The following ASZ1 variants were observed in gnomAD, a reference collection of about 807,000 sequenced individuals.
ASZ1 encodes ankyrin repeat, SAM and basic leucine zipper domain-containing protein 1.
Under a neutral mutation model 61.8 loss-of-function variants are expected in ASZ1, and 67 were observed. That is an observed-to-expected ratio of 1.08 (90% CI 0.89 to 1.33). The LOEUF is 1.33. Among genes scored for constraint, ASZ1 ranks in the 40% most tolerant of loss-of-function variants. ASZ1 has a pLI of 0.00. For synonymous variants in ASZ1, 193 were observed against 192.7 expected (o/e 1.00, Z -0.01); for missense variants, 577 against 554.5 (o/e 1.04, Z -0.41).
At chr7:117,390,316 T>A (rs1796440248) in intron 4 of ASZ1, among the ~76,000 whole-genome samples, 1 of 152,020 alleles carries the variant, frequency 6.6e-6, no homozygotes, top group African/African-American at 2.4e-5. Flanking sequence ...ACCACAGGCA[T>A]GTGTCACCAC....
At chr7:117,391,156 C>G (rs1256841204) in intron 4 of ASZ1, among the ~76,000 whole-genome samples, 1 of 151,442 alleles carries the variant, frequency 6.6e-6, no homozygotes. Flanking sequence ...TGTTTATGTC[C>G]TTTGCCTACT....
chr7:117,374,970 G>T (rs944683055), intron 10 of ASZ1, among the ~76,000 whole-genome samples: 1 of 151,974 alleles, frequency 6.6e-6, no homozygotes, highest in Non-Finnish European at 1.5e-5. Context: ...GTAATTAACC[G>T]GACCAAGTGC....
intron 4 of ASZ1, among the ~76,000 whole-genome samples, chr7:117,398,089 CATGTCATA>C: frequency 6.6e-6 from 1 of 152,236 alleles, no homozygotes; most frequent in Non-Finnish European, 1.5e-5. Flanking sequence ...GGTTGGTCTT[CATGTCATA>C]TTTTTATATA....
intron 4 of ASZ1, among the ~76,000 whole-genome samples, chr7:117,398,143 A>G (rs769772026): frequency 2.6e-5 from 4 of 152,240 alleles, no homozygotes; most frequent in Non-Finnish European, 5.9e-5. Flanking sequence ...TAATCTGCTT[A>G]AAACACTCCT....
chr7:117,418,376 C>T (rs749595287), intron 4 of ASZ1, among the ~76,000 whole-genome samples: 12 of 152,098 alleles, frequency 7.9e-5, no homozygotes. Context: ...AGTTTGAGGC[C>T]GGGTGCGGTG....
At chr7:117,401,752 C>T (rs568443840) in intron 4 of ASZ1, among the ~76,000 whole-genome samples, 1 of 152,318 alleles carries the variant, frequency 6.6e-6, no homozygotes, top group South Asian at 2.1e-4. Flanking sequence ...CCCTGTACAG[C>T]CTGCATTCCA....
At chr7:117,390,010 T>C (rs939309148) in intron 4 of ASZ1, among the ~76,000 whole-genome samples, 2 of 152,148 alleles carry the variant, frequency 1.3e-5, no homozygotes, top group African/African-American at 4.8e-5. Flanking sequence ...TATTTCTACA[T>C]TAATTCATTT....
At position 117,397,937 on chromosome 7, in the gene ASZ1, G is replaced by A. The variant is rs182417013; in HGVS notation, c.441-12128C>T. On this transcript the variant is annotated intron_variant, in intron 4 of 12. Transcript: ENST00000284629. ...GGCGAACTCACCTCAGCTATTAATC[G>A]GCCACAGGCCAAATCCTTCATCCAC... is the stretch of plus-strand genomic sequence containing the variant. Among the ~76,000 whole-genome samples the A allele has an allele frequency of 9.3e-4, 142 of 152,318 alleles. 2 individuals carry two copies. The highest frequency in any genetic ancestry group is 3.5e-3 in the South Asian group (17 of 4,830).
In ASZ1 at chr7:117,385,634, T is replaced by G. The variant is rs1796339037; in HGVS notation, c.552+64A>C. 12 of 1,326,882 alleles carry G rather than the reference T, an allele frequency of 9.0e-6. No homozygotes were observed. The South Asian group carries it at 1.4e-4, about 16-fold the overall frequency. The allele number at this position is 1,326,882 out of a possible 1,614,324, so 82.2% of individuals were successfully genotyped here. ...TTTTGTAATTATTACTTCTTAAAATTCTTTTTTTGTAGATTACTGATAATA... is the reference window on the plus strand; with the variant it reads ...TTTTGTAATTATTACTTCTTAAAATGCTTTTTTTGTAGATTACTGATAATA... On this transcript the variant is annotated intron_variant, in intron 5 of 12. Transcript: ENST00000284629.
At chr7:117,404,019 CT>C (rs1796732359) in intron 4 of ASZ1, among the ~76,000 whole-genome samples, 1 of 152,200 alleles carries the variant, frequency 6.6e-6, no homozygotes, top group Admixed American at 6.5e-5. Flanking sequence ...CCCCCTGCCC[CT>C]AGTCTTAGGA....
chr7:117,403,714 T>C (rs12537803), intron 4 of ASZ1, among the ~76,000 whole-genome samples: 2 of 152,112 alleles, frequency 1.3e-5, no homozygotes, highest in African/African-American at 4.8e-5. Flanking sequence ...GGTGTTACCA[T>C]ATATGAGTGC....
At chr7:117,400,071 A>T (rs949510129) in intron 4 of ASZ1, among the ~76,000 whole-genome samples, 1 of 152,224 alleles carries the variant, frequency 6.6e-6, no homozygotes, top group Non-Finnish European at 1.5e-5. Flanking sequence ...ATATATTTTC[A>T]CAATGATGTA....
intron 10 of ASZ1, among the ~76,000 whole-genome samples, chr7:117,370,804 T>TTTTG (rs1554359888): frequency 1.5e-5 from 2 of 133,228 alleles, no homozygotes; most frequent in South Asian, 2.5e-4. Context: ...CCAAAGGTAA[T>TTTTG]TGTGTGTGTG....
intron 9 of ASZ1, among the ~76,000 whole-genome samples, chr7:117,380,288 T>C (rs1489703058): frequency 6.6e-6 from 1 of 151,836 alleles, no homozygotes; most frequent in African/African-American, 2.4e-5. Flanking sequence ...ATAACAACTA[T>C]GATGGACTCC....
chr7:117,367,073 A>G (rs1795955091), intron 12 of ASZ1, among the ~76,000 whole-genome samples: 1 of 152,234 alleles, frequency 6.6e-6, no homozygotes, highest in African/African-American at 2.4e-5. Context: ...TCACATAAGA[A>G]TATCAGTTTG....
At chr7:117,420,107 T>G (rs1444310018) in intron 4 of ASZ1, 56 bp downstream of exon 4, 6 of 1,332,936 alleles carry the variant, frequency 4.5e-6, no homozygotes, top group Non-Finnish European at 6.3e-6. Context: ...AAAAGGCTGA[T>G]ACCAAAGAAA....
chr7:117,418,440 G>A (rs928492413), intron 4 of ASZ1, among the ~76,000 whole-genome samples: 6 of 152,042 alleles, frequency 3.9e-5, no homozygotes, highest in Non-Finnish European at 4.4e-5. Flanking sequence ...GGATCATGAG[G>A]TCAGGAGTTT....
chr7:117,392,157 A>G (rs1796483055), intron 4 of ASZ1, among the ~76,000 whole-genome samples: 1 of 152,152 alleles, frequency 6.6e-6, no homozygotes, highest in Non-Finnish European at 1.5e-5. Context: ...TTTGATAGGA[A>G]TCACATTGAA....
At chr7:117,406,266 T>C (rs1351055730) in intron 4 of ASZ1, among the ~76,000 whole-genome samples, 2 of 152,102 alleles carry the variant, frequency 1.3e-5, no homozygotes, top group African/African-American at 4.8e-5. Context: ...TAAAAATGCT[T>C]TGAAACAAAA....
Sources: gnomAD v4.1 joint callset for allele counts (sites outside exome capture counted in the v4.1 genomes callset) on GRCh38, gnomAD v4.1.1 for gene constraint, MANE v1.5 for transcripts, NCBI Gene and HGNC (gene_info 2026-07-23, HGNC 2026-07-21) for gene names.